Variants in CLVS1 observed in about 807,000 individuals in gnomAD.
CLVS1 encodes clavesin 1.
In CLVS1, 10 loss-of-function variants were observed where a neutral mutation model predicts 33.1. That is an observed-to-expected ratio of 0.30 (90% confidence interval 0.19 to 0.51). CLVS1 has a LOEUF of 0.51. Ranked by LOEUF, CLVS1 falls within the 20% of genes least tolerant of loss-of-function variation. The pLI is 0.97. For synonymous variants in CLVS1, 163 were observed against 166.1 expected, an observed-to-expected ratio of 0.98 and a Z score of 0.14; for missense variants, 343 against 433.4, an observed-to-expected ratio of 0.79 and a Z score of 1.85.
chr8:61,292,116 A>AG, intron 1 of CLVS1: 1 of 232,826 alleles, frequency 4.3e-6, no homozygotes, highest in South Asian at 3.5e-5. Context: ...GGCAAAGAAA[A>AG]GTTTTTTTTT....
At chr8:61,357,826 G>A (rs756055172) in intron 2 of CLVS1, among the ~76,000 whole-genome samples, 3 of 151,856 alleles carry the variant, frequency 2.0e-5, no homozygotes, top group Non-Finnish European at 4.4e-5. Flanking sequence ...CAAAGTGCTG[G>A]GATTACTGGT....
At chr8:61,272,765 C>T (rs1165687637) in intron 2 of CLVS1, among the ~76,000 whole-genome samples, 1 of 152,228 alleles carries the variant, frequency 6.6e-6, no homozygotes, top group African/African-American at 2.4e-5. Context: ...CACTGATACC[C>T]TTTCTTCCAG....
chr8:61,198,940 T>C (rs2129304487), intron 2 of CLVS1, among the ~76,000 whole-genome samples: 1 of 152,370 alleles, frequency 6.6e-6, no homozygotes, highest in East Asian at 1.9e-4. Flanking sequence ...GATGTATATG[T>C]ACTACATTTT....
At chr8:61,183,195 T>C (rs929090330) in intron 2 of CLVS1, among the ~76,000 whole-genome samples, 13 of 151,574 alleles carry the variant, frequency 8.6e-5, no homozygotes, top group African/African-American at 2.4e-4. Flanking sequence ...TCAGGACAAA[T>C]AGCTAATGCA....
chr8:61,413,560 C>T (rs546382322), intron 3 of CLVS1, among the ~76,000 whole-genome samples: 104 of 152,214 alleles, frequency 6.8e-4, no homozygotes, highest in African/African-American at 2.2e-3. Flanking sequence ...GGTGGCAGGC[C>T]GGGCAGAAAA....
intron 3 of CLVS1, among the ~76,000 whole-genome samples, chr8:61,383,935 T>C (rs1201991870): frequency 2.3e-4 from 35 of 152,118 alleles, no homozygotes; most frequent in Non-Finnish European, 1.0e-4. Flanking sequence ...AAAGCAGAGG[T>C]GGACTTACAA....
At chr8:61,353,063 A>T (rs1191310550) in intron 2 of CLVS1, among the ~76,000 whole-genome samples, 1 of 152,052 alleles carries the variant, frequency 6.6e-6, no homozygotes, top group Non-Finnish European at 1.5e-5. Context: ...CTCACAATAC[A>T]TACAGCAAAA....
intron 2 of CLVS1, among the ~76,000 whole-genome samples, chr8:61,304,450 C>T (rs1205171008): frequency 6.6e-6 from 1 of 152,184 alleles, no homozygotes; most frequent in African/African-American, 2.4e-5. Context: ...CCAGGCCGAA[C>T]CAAAACCAGA....
chr8:60,980,488 T>C, the CLVS1 span, among the ~76,000 whole-genome samples: 1 of 152,170 alleles, frequency 6.6e-6, no homozygotes, highest in African/African-American at 2.4e-5. Context: ...TAAATGTTAC[T>C]TTATTTGGAA....
At chr8:61,488,994 T>C (rs550898598) in intron 5 of CLVS1, among the ~76,000 whole-genome samples, 1 of 152,220 alleles carries the variant, frequency 6.6e-6, no homozygotes, top group South Asian at 2.1e-4. Context: ...CAGTTCTTTA[T>C]AGATGCTGCC....
chr8:61,002,653 G>A, the CLVS1 span, among the ~76,000 whole-genome samples: 1 of 152,136 alleles, frequency 6.6e-6, no homozygotes, highest in Non-Finnish European at 1.5e-5. Context: ...AATCCAAGAT[G>A]CTCATTTCCT....
chr8:61,421,941 A>G (rs1452336143), intron 3 of CLVS1, among the ~76,000 whole-genome samples: 1 of 152,210 alleles, frequency 6.6e-6, no homozygotes, highest in Admixed American at 6.5e-5. Context: ...TCCTGCTGTG[A>G]ACACGTGAAT....
chr8:61,096,636 G>A (rs1805355604), intron 1 of CLVS1, among the ~76,000 whole-genome samples: 1 of 152,120 alleles, frequency 6.6e-6, no homozygotes, highest in South Asian at 2.1e-4. Context: ...CTTCTATTCA[G>A]TTTTTCCCCC....
At chr8:61,317,518 G>T (rs937579550) in intron 2 of CLVS1, among the ~76,000 whole-genome samples, 3 of 152,062 alleles carry the variant, frequency 2.0e-5, no homozygotes, top group Non-Finnish European at 4.4e-5. Context: ...CAATAAAAAT[G>T]TTCAGGGCTC....
chr8:61,199,919 G>A (rs567690588), intron 2 of CLVS1, among the ~76,000 whole-genome samples: 2 of 152,250 alleles, frequency 1.3e-5, no homozygotes, highest in South Asian at 2.1e-4. Context: ...CCAAAGATAA[G>A]GGACCTTGTT....
At chr8:61,351,887 A>G (rs190644060) in intron 2 of CLVS1, among the ~76,000 whole-genome samples, 40 of 151,930 alleles carry the variant, frequency 2.6e-4, no homozygotes, top group African/African-American at 9.2e-4. Flanking sequence ...ATAAGAAAAA[A>G]CTAAAAGAAT....
intron 2 of CLVS1, among the ~76,000 whole-genome samples, chr8:61,136,223 C>T (rs1311306797): frequency 2.0e-5 from 3 of 152,260 alleles, no homozygotes; most frequent in Non-Finnish European, 2.9e-5. Flanking sequence ...ATTGGATGCA[C>T]GTGGAATTCA....
At chr8:61,327,841 G>A (rs576498008) in intron 2 of CLVS1, among the ~76,000 whole-genome samples, 1 of 152,258 alleles carries the variant, frequency 6.6e-6, no homozygotes, top group Non-Finnish European at 1.5e-5. Flanking sequence ...AGACTGTGCA[G>A]TGGCCTTCTC....
At chr8:61,484,205 GC>G (rs1315904293) in intron 5 of CLVS1, among the ~76,000 whole-genome samples, 1 of 152,160 alleles carries the variant, frequency 6.6e-6, no homozygotes, top group African/African-American at 2.4e-5. Context: ...CATCATCTCA[GC>G]CCTAAATCTC....
Sources: gnomAD v4.1 joint callset for allele counts (sites outside exome capture counted in the v4.1 genomes callset) on GRCh38, gnomAD v4.1.1 for gene constraint, MANE v1.5 for transcripts, NCBI Gene and HGNC (gene_info 2026-07-23, HGNC 2026-07-21) for gene names.